Variants in CAP2 observed in about 807,000 individuals in gnomAD.
CAP2 encodes the protein adenylyl cyclase-associated protein 2.
In CAP2, 24 loss-of-function variants were observed where a neutral mutation model predicts 57.7. The observed-to-expected ratio is 0.42, with a 90% CI of 0.30 to 0.58. CAP2 has a LOEUF of 0.58. Ranked by LOEUF, CAP2 falls within the 20% of genes least tolerant of loss-of-function variation. The pLI, the probability that CAP2 is intolerant of heterozygous loss-of-function variation, is 0.22. For missense variants in CAP2, 501 were observed against 590.3 expected (o/e 0.85, Z 1.57); for synonymous variants, 194 against 207.2 (o/e 0.94, Z 0.55).
At chr6:17,425,192 T>G (rs749665923) in intron 2 of CAP2, among the ~76,000 whole-genome samples, 26 of 152,214 alleles carry the variant, frequency 1.7e-4, no homozygotes, top group Non-Finnish European at 2.8e-4. Flanking sequence ...ATCCTAGATT[T>G]TGGTTAGAGT....
At chr6:17,445,345 G>A (rs1470761002) in intron 3 of CAP2, among the ~76,000 whole-genome samples, 1 of 152,234 alleles carries the variant, frequency 6.6e-6, no homozygotes, top group South Asian at 2.1e-4. Context: ...GACCTCAGGT[G>A]ATCCACCCAT....
Position 17,479,607 on chromosome 6 carries a change from A to ATT in CAP2, c.300+16555_300+16556dup, listed in dbSNP as rs11336517. Among the ~76,000 whole-genome samples, 96 of 126,442 alleles carry ATT rather than the reference A, an allele frequency of 7.6e-4. 2 individuals are homozygous for ATT. The highest frequency in any genetic ancestry group is 5.4e-3 in the South Asian group (22 of 4,102). 83.0% of individuals were successfully genotyped at this position (126,442 alleles called of 152,430 possible). Reference sequence around the variant, plus strand: ...AGAAGAGAAAAAGATCTGCTTTTTAATTTTTTTTTTTTTTTTTTTTTTGAG... The same window carrying ATT: ...AGAAGAGAAAAAGATCTGCTTTTTAATTTTTTTTTTTTTTTTTTTTTTTTGAG... On this transcript the variant is annotated intron_variant, in intron 4 of 12. Transcript: ENST00000229922.
At chr6:17,421,286 G>A (rs997671118) in intron 1 of CAP2, among the ~76,000 whole-genome samples, 3 of 152,124 alleles carry the variant, frequency 2.0e-5, no homozygotes, top group Admixed American at 2.0e-4. Flanking sequence ...TGGGTACAGT[G>A]TACACTGCTC....
chr6:17,489,230 A>G (rs371644938), intron 4 of CAP2, among the ~76,000 whole-genome samples: 11 of 152,150 alleles, frequency 7.2e-5, no homozygotes, highest in East Asian at 3.9e-4. Flanking sequence ...TCAGGAGTTC[A>G]AGACCAGCCT....
At chr6:17,490,265 T>G (rs946810810) in intron 4 of CAP2, among the ~76,000 whole-genome samples, 2 of 152,206 alleles carry the variant, frequency 1.3e-5, no homozygotes, top group African/African-American at 4.8e-5. Flanking sequence ...AAAAGACTTC[T>G]TGTATTTGAT....
chr6:17,490,648 C>T (rs1169207167), intron 4 of CAP2, among the ~76,000 whole-genome samples: 3 of 152,164 alleles, frequency 2.0e-5, no homozygotes, highest in African/African-American at 4.8e-5. Context: ...CATGAGTTTT[C>T]GGTTGTAGTC....
chr6:17,536,186 G>A, intron 7 of CAP2: 1 of 456,596 alleles, frequency 2.2e-6, no homozygotes, highest in Admixed American at 2.3e-5. Flanking sequence ...CTTGTGGCCA[G>A]ACATAAGAGA....
At chr6:17,442,255 A>G (rs915485721) in intron 3 of CAP2, among the ~76,000 whole-genome samples, 1 of 152,228 alleles carries the variant, frequency 6.6e-6, no homozygotes, top group African/African-American at 2.4e-5. Context: ...TTCACCTCCA[A>G]GTTGACCATG....
chr6:17,450,960 T>G (rs556156083), intron 3 of CAP2, among the ~76,000 whole-genome samples: 41 of 152,344 alleles, frequency 2.7e-4, no homozygotes, highest in Non-Finnish European at 3.5e-4. Flanking sequence ...TAACTTGTCT[T>G]TACGATTTAA....
chr6:17,421,603 C>T lies in CAP2; in HGVS notation c.48C>T (p.Ser16=). 6.2e-7 allele frequency: 1 copy of T among 1,614,066 alleles called. No homozygotes were observed. The highest frequency in any genetic ancestry group is 8.5e-7 in the Non-Finnish European group (1 of 1,179,940). ...GLVERLERAV[S]RLESLSAESH... ...TGGAAAGACTGGAACGAGCTGTCAG[C>T]CGCCTGGAGTCGCTGTCTGCAGAGT... Residue 16 remains serine (S), a synonymous_variant, in exon 2 of 13, where the codon AGC becomes AGT. Coordinates refer to ENST00000229922, the MANE Select transcript of CAP2 (RefSeq NM_006366.3).
At chr6:17,545,417 T>C (rs1346338935) in intron 11 of CAP2, among the ~76,000 whole-genome samples, 1 of 152,150 alleles carries the variant, frequency 6.6e-6, no homozygotes, top group Admixed American at 6.5e-5. Flanking sequence ...TTCTAAATAT[T>C]CATCATGTTT....
chr6:17,475,920 T>A (rs1374971373), intron 4 of CAP2, among the ~76,000 whole-genome samples: 1 of 152,224 alleles, frequency 6.6e-6, no homozygotes, highest in African/African-American at 2.4e-5. Context: ...CTATATAGAA[T>A]AATGACCAAC....
chr6:17,476,940 C>T (rs1166664469), intron 4 of CAP2, among the ~76,000 whole-genome samples: 4 of 137,396 alleles, frequency 2.9e-5, no homozygotes, highest in Non-Finnish European at 6.1e-5. Flanking sequence ...GGCGCAATCT[C>T]GGCTCACTGC....
chr6:17,516,262 G>C (rs1011066771), intron 7 of CAP2, among the ~76,000 whole-genome samples: 1 of 152,212 alleles, frequency 6.6e-6, no homozygotes, highest in African/African-American at 2.4e-5. Flanking sequence ...TCTCCCACTA[G>C]ATTGGAAACT....
chr6:17,436,517 G>C (rs1466561999), intron 3 of CAP2, among the ~76,000 whole-genome samples: 1 of 152,146 alleles, frequency 6.6e-6, no homozygotes, highest in African/African-American at 2.4e-5. Flanking sequence ...AAATCATAAA[G>C]TACCCAGGAC....
At position 17,556,394 on chromosome 6, in the gene CAP2, A is replaced by G. The variant is rs147862120; in HGVS notation, c.1386A>G (p.Ala462=). The G allele has an allele frequency of 2.5e-6, 4 of 1,613,900 alleles. No individual in the cohort carries two copies. The highest frequency in any genetic ancestry group is 2.7e-5 in the African/African-American group (2 of 74,940). ...CCATTCCTGAACAGTTCAAGACAGCATGGGATGGATCCAAGTTAATCACTG... is the reference window on the plus strand; with the variant it reads ...CCATTCCTGAACAGTTCAAGACAGCGTGGGATGGATCCAAGTTAATCACTG... ...EFPIPEQFKT[A]WDGSKLITEP... The change falls in exon 13 of 13, where the codon GCA becomes GCG. Residue 462 remains alanine (A), a synonymous_variant. Transcript: ENST00000229922.
intron 1 of CAP2, among the ~76,000 whole-genome samples, chr6:17,405,389 A>G (rs999481667): frequency 6.6e-6 from 1 of 152,192 alleles, no homozygotes; most frequent in South Asian, 2.1e-4. Flanking sequence ...CTCAAAATTT[A>G]AAAAAGTTTA....
At chr6:17,399,968 T>C (rs989295885) in intron 1 of CAP2, among the ~76,000 whole-genome samples, 7 of 151,980 alleles carry the variant, frequency 4.6e-5, no homozygotes, top group Non-Finnish European at 1.0e-4. Flanking sequence ...ACGCCTCTAA[T>C]CCCAGCACTT....
intron 1 of CAP2, among the ~76,000 whole-genome samples, chr6:17,418,109 A>C (rs1440960599): frequency 2.0e-5 from 3 of 152,156 alleles, no homozygotes; most frequent in African/African-American, 7.2e-5. Context: ...CTTGAGAGCC[A>C]GGCTAGTGGC....
Sources: allele counts gnomAD v4.1 joint callset (sites outside exome capture counted in the v4.1 genomes callset), GRCh38; gene constraint gnomAD v4.1.1; transcripts MANE v1.5; gene names NCBI Gene and HGNC (gene_info 2026-07-23, HGNC 2026-07-21).